The following BEND5 variants were observed in gnomAD, a reference collection of about 807,000 sequenced individuals.
The protein encoded by BEND5 is BEN domain-containing protein 5.
In BEND5, 22 loss-of-function variants were observed where a neutral mutation model predicts 43.9. That is an observed-to-expected ratio of 0.50 (90% CI 0.36 to 0.72). The LOEUF is 0.72. Ranked by LOEUF, BEND5 falls within the 30% of genes least tolerant of loss-of-function variation. BEND5 has a pLI of 0.00. For synonymous variants in BEND5, 228 were observed against 225.9 expected (o/e 1.01, Z -0.08); for missense variants, 428 against 550.6 (o/e 0.78, Z 2.23).
At chr1:48,742,963 T>C (rs907904929) in intron 3 of BEND5, among the ~76,000 whole-genome samples, 192 bp from the exon 4 acceptor site, 10 of 152,176 alleles carry the variant, frequency 6.6e-5, no homozygotes, top group African/African-American at 2.4e-4. Context: ...GGTGGAAAAC[T>C]GGAAGACAAG....
chr1:48,766,818 C>T (rs1644554891), intron 1 of BEND5, among the ~76,000 whole-genome samples: 1 of 152,182 alleles, frequency 6.6e-6, no homozygotes, highest in East Asian at 1.9e-4. Context: ...AGTCCCAAGT[C>T]CTCTGCTCAT....
intron 3 of BEND5, among the ~76,000 whole-genome samples, chr1:48,747,066 T>C (rs903652643): frequency 1.3e-5 from 2 of 152,234 alleles, no homozygotes; most frequent in African/African-American, 4.8e-5. Context: ...TTACAACAAA[T>C]GCTTCAGATT....
At chr1:48,732,313 T>C (rs988121989) in intron 5 of BEND5, among the ~76,000 whole-genome samples, 7 of 152,182 alleles carry the variant, frequency 4.6e-5, no homozygotes, top group East Asian at 1.9e-4. Flanking sequence ...ACTTTGATCA[T>C]AGATCAAGAA....
intron 5 of BEND5, among the ~76,000 whole-genome samples, chr1:48,733,769 A>T (rs920828234): frequency 1.3e-5 from 2 of 152,180 alleles, no homozygotes; most frequent in East Asian, 3.9e-4. Context: ...TTTACAAGAA[A>T]TCACACAAAA....
intron 1 of BEND5, among the ~76,000 whole-genome samples, chr1:48,767,951 T>C (rs1375800122): frequency 1.3e-5 from 2 of 152,184 alleles, no homozygotes; most frequent in Non-Finnish European, 2.9e-5. Context: ...CTGGGCAACA[T>C]TCCTTACAAA....
At chr1:48,737,729 TAAAAAAG>T (rs1189207916) in intron 4 of BEND5, among the ~76,000 whole-genome samples, 1 of 151,894 alleles carries the variant, frequency 6.6e-6, no homozygotes. Context: ...TTAGTAAATC[TAAAAAAG>T]AAAAAAGAGT....
intron 5 of BEND5, among the ~76,000 whole-genome samples, chr1:48,733,712 T>C (rs573010281): frequency 1.9e-4 from 29 of 152,286 alleles, no homozygotes; most frequent in Non-Finnish European, 3.7e-4. Flanking sequence ...TAAGATGATT[T>C]CAGCTTAGTT....
intron 3 of BEND5, among the ~76,000 whole-genome samples, chr1:48,756,025 T>C (rs1197379690): frequency 1.3e-5 from 2 of 152,210 alleles, no homozygotes; most frequent in Non-Finnish European, 2.9e-5. Flanking sequence ...AAGTTAACCC[T>C]GTCTTAGCTC....
In BEND5 at chr1:48,760,839, A is replaced by G. The variant is rs532710891; in HGVS notation, c.360+498T>C. Reference sequence around the variant, plus strand: ...TTTCCAAAGTGAAGGCTGGAGACCAACTGGGGCACACAGCAAGAAAATGCA... The same window carrying G: ...TTTCCAAAGTGAAGGCTGGAGACCAGCTGGGGCACACAGCAAGAAAATGCA... On this transcript the variant is annotated intron_variant, in intron 2 of 5. Coordinates refer to ENST00000371833, the MANE Select transcript of BEND5 (RefSeq NM_024603.4). 5.3e-5 allele frequency among the ~76,000 whole-genome samples: 8 copies of G among 152,304 alleles called. No homozygotes were observed. In the South Asian group the frequency reaches 1.7e-3, roughly 32 times the overall value.
chr1:48,764,632 G>A (rs1471146287), intron 1 of BEND5, among the ~76,000 whole-genome samples: 3 of 152,344 alleles, frequency 2.0e-5, no homozygotes, highest in African/African-American at 7.2e-5. Flanking sequence ...GGCTCAGTGT[G>A]CAGATGTGGA....
chr1:48,770,792 C>A (rs1036231063), intron 1 of BEND5, among the ~76,000 whole-genome samples: 13 of 152,164 alleles, frequency 8.5e-5, no homozygotes, highest in Non-Finnish European at 1.2e-4. Flanking sequence ...TTATTACAAC[C>A]AGTCAGTTAC....
At chr1:48,731,915 G>A (rs1188046107) in intron 5 of BEND5, among the ~76,000 whole-genome samples, 1 of 152,152 alleles carries the variant, frequency 6.6e-6, no homozygotes, top group Non-Finnish European at 1.5e-5. Context: ...GATTGCTCTG[G>A]TTACATAATG....
At chr1:48,749,718 G>C (rs1157797016) in intron 3 of BEND5, among the ~76,000 whole-genome samples, 2 of 152,192 alleles carry the variant, frequency 1.3e-5, no homozygotes, top group Admixed American at 1.3e-4. Flanking sequence ...TAGAAGCTCT[G>C]AACTTATCCT....
At chr1:48,760,478 A>G (rs1049309057) in intron 2 of BEND5, among the ~76,000 whole-genome samples, 1 of 152,220 alleles carries the variant, frequency 6.6e-6, no homozygotes, top group Non-Finnish European at 1.5e-5. Flanking sequence ...TTATCTGCTG[A>G]GATAAGGTGC....
Position 48,759,240 on chromosome 1 carries a change from G to A in BEND5, c.405C>T (p.Ile135=). Residue 135 remains isoleucine, a synonymous_variant, in exon 3 of 6, where the codon ATC becomes ATT. Transcript: ENST00000371833. ...TCTCTAGCCGAGCCACCACTGCCTC[G>A]ATGCTCTTGTGCGCCACTTCGCTCG... ...RKPSEVAHKS[I]EAVVARLEKQ... 2 of 1,590,744 alleles carry A rather than the reference G, an allele frequency of 1.3e-6. No homozygotes were observed. The highest frequency in any genetic ancestry group is 1.7e-6 in the Non-Finnish European group (2 of 1,168,118).
intron 3 of BEND5, among the ~76,000 whole-genome samples, chr1:48,756,847 T>A (rs576162301): frequency 5.9e-5 from 9 of 152,152 alleles, no homozygotes; most frequent in Admixed American, 5.9e-4. Context: ...GGGGCTCCAG[T>A]TGATTTATGT....
At chr1:48,764,448 C>G (rs1644430706) in intron 1 of BEND5, among the ~76,000 whole-genome samples, 1 of 151,884 alleles carries the variant, frequency 6.6e-6, no homozygotes, top group African/African-American at 2.4e-5. Context: ...AGAATCTGGA[C>G]TACACAAGAG....
rs556231226 is a variant in BEND5, at chr1:48,756,620, G to A, written c.745+2280C>T. 1.2e-4 allele frequency among the ~76,000 whole-genome samples: 18 copies of A among 152,340 alleles called. 2 individuals are homozygous for A. In the South Asian group the frequency reaches 3.7e-3, roughly 32 times the overall value. On this transcript the variant is annotated intron_variant, in intron 3 of 5. Transcript: ENST00000371833. ...TTGGGAAGTAGGGAAGTTGGGATTT[G>A]AATCCAAGCCGTGAAAACATACAAC...
chr1:48,758,960 T>TC lies in BEND5; in HGVS notation c.684dup (p.Lys229GlufsTer5). On this transcript the variant is annotated frameshift_variant, in exon 3 of 6. Transcript: ENST00000371833. LOFTEE classifies it high-confidence loss of function. ...CTCCGGTTAAGGTCACGGAGCTCCT[T>TC]CATTTCAGACACAAGTGCCCCGTAC... The TC allele has an allele frequency of 6.2e-7, 1 of 1,603,678 alleles. No homozygotes were observed. The highest frequency in any genetic ancestry group is 8.5e-7 in the Non-Finnish European group (1 of 1,175,572).
Sources: allele counts gnomAD v4.1 joint callset (sites outside exome capture counted in the v4.1 genomes callset), GRCh38; gene constraint gnomAD v4.1.1; transcripts MANE v1.5; gene names NCBI Gene and HGNC (gene_info 2026-07-23, HGNC 2026-07-21).